Variants in CRYL1 observed in about 807,000 individuals in gnomAD.
CRYL1 encodes crystallin lambda 1.
Under a neutral mutation model 36.6 loss-of-function variants are expected in CRYL1, and 29 were observed. The ratio of observed to expected loss-of-function variants is 0.79; its 90% confidence interval spans 0.59 to 1.08. The LOEUF (loss-of-function observed/expected upper bound fraction) is 1.08, where lower values mean the gene tolerates loss of function less well. Ranked by LOEUF, CRYL1 falls within the 50% of genes least tolerant of loss-of-function variation. The probability of loss-of-function intolerance (pLI) is 0.00; values close to 1 mark genes in which losing one functional copy is unlikely to be tolerated. For missense variants in CRYL1, 411 were observed against 407.9 expected (o/e 1.01, Z -0.06); for synonymous variants, 152 against 151.5 (o/e 1.00, Z -0.02).
chr13:20,455,166 G>T (rs2032656046), intron 3 of CRYL1, among the ~76,000 whole-genome samples: 3 of 152,126 alleles, frequency 2.0e-5, no homozygotes, highest in Admixed American at 2.0e-4. Flanking sequence ...CAAAAAAAAT[G>T]TTAAATACCA....
chr13:20,477,966 C>A (rs865779885), intron 3 of CRYL1, among the ~76,000 whole-genome samples: 1 of 137,414 alleles, frequency 7.3e-6, no homozygotes, highest in Non-Finnish European at 1.6e-5. Flanking sequence ...ATATATATTA[C>A]GTAGTTATAT....
intron 3 of CRYL1, among the ~76,000 whole-genome samples, chr13:20,484,925 A>G (rs750218499): frequency 2.0e-5 from 3 of 152,160 alleles, no homozygotes; most frequent in Non-Finnish European, 4.4e-5. Flanking sequence ...TTTAACAAAC[A>G]TGTGGGGCAG....
At chr13:20,419,246 T>G (rs377214577) in intron 5 of CRYL1, among the ~76,000 whole-genome samples, 15 of 152,136 alleles carry the variant, frequency 9.9e-5, no homozygotes, top group Non-Finnish European at 1.3e-4. Context: ...AGCCCTAGGG[T>G]CCTTGCAAAT....
chr13:20,470,910 CA>C (rs11353451), intron 3 of CRYL1, among the ~76,000 whole-genome samples: 4,753 of 40,800 alleles, frequency 0.12, 112 homozygotes, highest in Admixed American at 0.27. Context: ...AACTCCATCT[CA>C]AAAAAAAAAA....
In CRYL1 at chr13:20,512,247, TG is replaced by T. The variant is rs1418332299; in HGVS notation, c.149+195del. Among the ~76,000 whole-genome samples, 5 of 152,342 alleles carry T rather than the reference TG, an allele frequency of 3.3e-5. No homozygotes were observed. The East Asian group carries it at 9.7e-4, about 29-fold the overall frequency. ...GCAAGAAGGGTCATTTCCTCCCCCA[TG>T]GGAGCCCTTCCCCAGTGTGAATTCA... On this transcript the variant is annotated intron_variant, in intron 2 of 7. Coordinates refer to ENST00000298248, the MANE Select transcript of CRYL1 (RefSeq NM_015974.3).
intron 1 of CRYL1, among the ~76,000 whole-genome samples, chr13:20,521,509 T>C (rs78386442): frequency 1.3e-5 from 2 of 152,194 alleles, no homozygotes; most frequent in South Asian, 4.1e-4. Context: ...CCTGAGAGCT[T>C]GTGACATCTT....
intron 3 of CRYL1, 119 bp from the exon 4 acceptor site, chr13:20,439,873 G>A (rs772322463): frequency 6.8e-5 from 66 of 968,276 alleles, no homozygotes; most frequent in Non-Finnish European, 8.5e-5. Flanking sequence ...GGTTCAAGAC[G>A]TGTTATCCCA....
intron 6 of CRYL1, among the ~76,000 whole-genome samples, chr13:20,407,078 T>G (rs1455183610): frequency 6.7e-6 from 1 of 149,446 alleles, no homozygotes; most frequent in Non-Finnish European, 1.5e-5. Context: ...TTTTATTCTG[T>G]TTTATTCTGT....
At chr13:20,459,520 T>TA (rs1302253759) in intron 3 of CRYL1, among the ~76,000 whole-genome samples, 1 of 152,072 alleles carries the variant, frequency 6.6e-6, no homozygotes, top group Non-Finnish European at 1.5e-5. Flanking sequence ...TATGCAGCCA[T>TA]AAAAAAGAAT....
chr13:20,466,913 T>C (rs2032948032), intron 3 of CRYL1, among the ~76,000 whole-genome samples: 2 of 151,864 alleles, frequency 1.3e-5, no homozygotes, highest in South Asian at 4.2e-4. Flanking sequence ...AACACACCAA[T>C]GAATGAAAAC....
At chr13:20,491,062 G>A (rs530910490) in intron 2 of CRYL1, among the ~76,000 whole-genome samples, 1 of 152,090 alleles carries the variant, frequency 6.6e-6, no homozygotes, top group South Asian at 2.1e-4. Context: ...GTGCCACCAC[G>A]CCTGACCAAT....
At chr13:20,507,392 A>G (rs2033811977) in intron 2 of CRYL1, among the ~76,000 whole-genome samples, 1 of 152,206 alleles carries the variant, frequency 6.6e-6, no homozygotes, top group Admixed American at 6.5e-5. Context: ...CAGAGACCAT[A>G]TGACCCACAA....
chr13:20,438,011 C>T (rs1289121075), intron 4 of CRYL1, among the ~76,000 whole-genome samples: 2 of 152,148 alleles, frequency 1.3e-5, no homozygotes, highest in African/African-American at 4.8e-5. Flanking sequence ...ACAGGCTTCT[C>T]GGGACTTGCT....
intron 3 of CRYL1, among the ~76,000 whole-genome samples, chr13:20,449,145 G>A (rs1188153487): frequency 6.6e-6 from 1 of 152,240 alleles, no homozygotes; most frequent in Non-Finnish European, 1.5e-5. Flanking sequence ...TCCAGCTTGG[G>A]TGACAGAGTG....
intron 2 of CRYL1, among the ~76,000 whole-genome samples, chr13:20,495,611 C>T (rs940080227): frequency 4.6e-5 from 7 of 152,130 alleles, no homozygotes; most frequent in African/African-American, 1.4e-4. Flanking sequence ...ATAGAGCCAC[C>T]ATATGATCCA....
At chr13:20,471,492 C>T (rs569111630) in intron 3 of CRYL1, among the ~76,000 whole-genome samples, 1 of 152,132 alleles carries the variant, frequency 6.6e-6, no homozygotes, top group Non-Finnish European at 1.5e-5. Context: ...GTAGTCCCAG[C>T]TACTCGGGAG....
At chr13:20,461,903 T>G (rs1593460672) in intron 3 of CRYL1, among the ~76,000 whole-genome samples, 1 of 40,098 alleles carries the variant, frequency 2.5e-5, no homozygotes, top group Admixed American at 3.7e-4. Context: ...CTCAGCATTG[T>G]GGGAGGAGAG....
chr13:20,415,860 G>A lies in CRYL1; in HGVS notation c.634-2473C>T, dbSNP rs1057305065. Among the ~76,000 whole-genome samples, 2 of 151,976 alleles carry A rather than the reference G, an allele frequency of 1.3e-5. No homozygotes were observed. ...GGAATCACTGAGCGCGCGTTCTTTC[G>A]TGACTTGTCTCTCACCATCCTGTTT... On this transcript the variant is annotated intron_variant, in intron 5 of 7. Coordinates refer to ENST00000298248, the MANE Select transcript of CRYL1 (RefSeq NM_015974.3). The surrounding 1 kb of genome is among the most constrained non-coding windows in gnomAD (Gnocchi z 4.1).
chr13:20,416,919 T>C (rs540070008), intron 5 of CRYL1, among the ~76,000 whole-genome samples: 2 of 152,308 alleles, frequency 1.3e-5, no homozygotes, highest in South Asian at 4.1e-4. Context: ...AGAGGAGGGC[T>C]GTGGGTCTTC....
Sources: allele counts gnomAD v4.1 joint callset (sites outside exome capture counted in the v4.1 genomes callset), GRCh38; gene constraint gnomAD v4.1.1; non-coding constraint Gnocchi (gnomAD v3.1); transcripts MANE v1.5; gene names NCBI Gene and HGNC (gene_info 2026-07-23, HGNC 2026-07-21).